TAFA2: variants seen among roughly 807,000 people sequenced by gnomAD.
TAFA2 encodes chemokine-like protein TAFA-2.
In TAFA2, 7 loss-of-function variants were observed where a neutral mutation model predicts 18.8. That is an observed-to-expected ratio of 0.37 (90% CI 0.21 to 0.70). The LOEUF (loss-of-function observed/expected upper bound fraction) is 0.70, where lower values mean the gene tolerates loss of function less well. Among genes scored for constraint, TAFA2 ranks in the 30% least tolerant of loss-of-function variants. TAFA2 has a pLI of 0.53. For missense variants in TAFA2, 122 were observed against 158.1 expected (o/e 0.77, Z 1.23); for synonymous variants, 60 against 54.2 (o/e 1.11, Z -0.47).
At chr12:61,993,356 T>C (rs928717065) in intron 1 of TAFA2, among the ~76,000 whole-genome samples, 4 of 152,204 alleles carry the variant, frequency 2.6e-5, no homozygotes, top group African/African-American at 7.2e-5. Context: ...ATCTCAAGTG[T>C]ACATGCTTTT....
At chr12:62,038,947 T>A (rs1311498469) in intron 1 of TAFA2, among the ~76,000 whole-genome samples, 1 of 152,166 alleles carries the variant, frequency 6.6e-6, no homozygotes, top group African/African-American at 2.4e-5. Context: ...TTCTCCCTCA[T>A]ACTCCCATTT....
chr12:62,132,176 T>C lies in TAFA2; in HGVS notation c.-2+59083A>G, dbSNP rs1870714179. 2.0e-5 allele frequency among the ~76,000 whole-genome samples: 3 copies of C among 151,750 alleles called. No individual in the cohort carries two copies. In the South Asian group the frequency reaches 6.2e-4, roughly 31 times the overall value. ...CCCCAAATTAACTTCCTTTTTAAAA[T>C]AAACAATTCGAGCTCACATTCACAA... On this transcript the variant is annotated intron_variant, in intron 1 of 4. Coordinates refer to ENST00000416284, the MANE Select transcript of TAFA2 (RefSeq NM_178539.5).
intron 1 of TAFA2, among the ~76,000 whole-genome samples, chr12:61,871,793 T>A (rs1161020562): frequency 1.3e-5 from 2 of 152,158 alleles, no homozygotes; most frequent in African/African-American, 4.8e-5. Flanking sequence ...CCCACTAATG[T>A]TAAAAGTACA....
Position 61,945,056 on chromosome 12 carries a change from A to G in TAFA2, c.-1-77630T>C, listed in dbSNP as rs1234981896. ...ATGAACACTGATGCAAAAATCCTCA[A>G]TAAAATACTGGCAAACCGAATCCAG... On this transcript the variant is annotated intron_variant, in intron 1 of 4. Transcript: ENST00000416284. Among the ~76,000 whole-genome samples the G allele has an allele frequency of 6.1e-5, 9 of 148,678 alleles. No individual in the cohort carries two copies. The South Asian group carries it at 6.5e-4, about 11-fold the overall frequency.
At chr12:62,143,213 A>G (rs2062252230) in intron 1 of TAFA2, among the ~76,000 whole-genome samples, 1 of 152,224 alleles carries the variant, frequency 6.6e-6, no homozygotes, top group Admixed American at 6.5e-5. Context: ...CCATGGCCAG[A>G]TAAGAATCCT....
intron 2 of TAFA2, among the ~76,000 whole-genome samples, chr12:61,851,167 A>G (rs145564624): frequency 1.2e-4 from 19 of 152,328 alleles, no homozygotes; most frequent in African/African-American, 4.3e-4. Flanking sequence ...CAAATATTCA[A>G]TTAGTTACAA....
chr12:62,238,884 G>A (rs551638322), intron 1 of TAFA2, among the ~76,000 whole-genome samples: 1 of 152,134 alleles, frequency 6.6e-6, no homozygotes, highest in South Asian at 2.1e-4. Context: ...ATTATCCTTG[G>A]ACCACTCTTG....
intron 2 of TAFA2, among the ~76,000 whole-genome samples, chr12:61,829,958 T>C (rs1872657070): frequency 6.6e-6 from 1 of 151,738 alleles, no homozygotes; most frequent in Admixed American, 6.6e-5. Context: ...CAATAGCATG[T>C]CTTCAAGAAC....
intron 1 of TAFA2, among the ~76,000 whole-genome samples, chr12:62,156,539 C>T (rs950974474): frequency 1.3e-5 from 2 of 152,056 alleles, no homozygotes; most frequent in Admixed American, 1.3e-4. Flanking sequence ...AACCGTGGAA[C>T]CAACCCAAAT....
intron 1 of TAFA2, chr12:61,879,540 G>T: frequency 1.4e-6 from 1 of 724,712 alleles, no homozygotes. Context: ...GCCTGCTGAG[G>T]CCCCTTAACC....
At chr12:62,163,427 T>C (rs111511110) in intron 1 of TAFA2, among the ~76,000 whole-genome samples, 92 of 152,228 alleles carry the variant, frequency 6.0e-4, no homozygotes, top group Non-Finnish European at 1.1e-3. Context: ...CAGTTTGGGG[T>C]GTTGTACTAA....
intron 1 of TAFA2, among the ~76,000 whole-genome samples, chr12:62,008,606 C>G (rs750060764): frequency 6.6e-6 from 1 of 152,138 alleles, no homozygotes; most frequent in Admixed American, 6.5e-5. Context: ...AATATTACTA[C>G]TATAACACCC....
At chr12:61,914,152 C>A (rs1297126641) in intron 1 of TAFA2, among the ~76,000 whole-genome samples, 1 of 152,082 alleles carries the variant, frequency 6.6e-6, no homozygotes, top group African/African-American at 2.4e-5. Context: ...GTAGGTGATG[C>A]CCTAAGGATG....
intron 1 of TAFA2, among the ~76,000 whole-genome samples, chr12:61,986,594 C>T (rs1022184703): frequency 2.0e-5 from 3 of 151,764 alleles, no homozygotes; most frequent in Non-Finnish European, 2.9e-5. Context: ...CCACCACACC[C>T]GGTCCAAACG....
At chr12:61,874,765 T>C (rs1304310472) in intron 1 of TAFA2, among the ~76,000 whole-genome samples, 1 of 152,118 alleles carries the variant, frequency 6.6e-6, no homozygotes, top group Non-Finnish European at 1.5e-5. Flanking sequence ...AATAAAGCAA[T>C]CATTTACGAT....
intron 1 of TAFA2, among the ~76,000 whole-genome samples, chr12:62,031,402 C>T (rs1378037217): frequency 1.3e-5 from 2 of 152,308 alleles, no homozygotes; most frequent in East Asian, 3.9e-4. Flanking sequence ...GGGAATCAGA[C>T]TGGCTCTCTT....
chr12:61,891,891 A>G lies in TAFA2; in HGVS notation c.-1-24465T>C, dbSNP rs143736330. On this transcript the variant is annotated intron_variant, in intron 1 of 4. Transcript: ENST00000416284. ...TTTATTCAAAGTGCAGTAGGAAGCC[A>G]CTGGAAAGTGAAAGTGGAGAGGGCT... Among the ~76,000 whole-genome samples the G allele has an allele frequency of 2.0e-3, 304 of 152,260 alleles. 1 individual carries two copies. Among genetic ancestry groups the G allele is most frequent in the African/African-American group, 6.9e-3 (288 of 41,546 alleles).
intron 1 of TAFA2, among the ~76,000 whole-genome samples, chr12:62,178,270 A>C (rs903141768): frequency 1.3e-5 from 2 of 152,218 alleles, no homozygotes; most frequent in Non-Finnish European, 2.9e-5. Context: ...TCTGCGCTCC[A>C]GCCTGAATGA....
chr12:62,215,838 G>A (rs973406027), intron 1 of TAFA2, among the ~76,000 whole-genome samples: 1 of 151,234 alleles, frequency 6.6e-6, no homozygotes, highest in Non-Finnish European at 1.5e-5. Flanking sequence ...TGTAGACAGA[G>A]AGCTCTTATA....
Sources: gnomAD v4.1 joint callset for allele counts (sites outside exome capture counted in the v4.1 genomes callset) on GRCh38, gnomAD v4.1.1 for gene constraint, MANE v1.5 for transcripts, NCBI Gene and HGNC (gene_info 2026-07-23, HGNC 2026-07-21) for gene names.